ESR1: variants seen among roughly 807,000 people sequenced by gnomAD.
ESR1 encodes estrogen receptor.
In ESR1, 12 loss-of-function variants were observed where a neutral mutation model predicts 52.7. That is an observed-to-expected ratio of 0.23 (90% CI 0.15 to 0.37). The LOEUF is 0.37. Ranked by LOEUF, ESR1 falls within the 10% of genes least tolerant of loss-of-function variation. ESR1 has a pLI of 1.00. For missense variants in ESR1, 584 were observed against 779.7 expected (o/e 0.75, Z 2.99); for synonymous variants, 305 against 316.8 (o/e 0.96, Z 0.39).
rs549775013 is a variant in ESR1, at chr6:151,667,818, C to T, written n.73+11055C>T. On this transcript the variant is annotated intron_variant and non_coding_transcript_variant, in intron 1 of 2. Transcript: ENST00000473497. ...CAGCAAGTTCATTACAAAGGGATTT[C>T]AGATAGAAGCCTCCTCCTTCAGAGT... 4.6e-5 allele frequency among the ~76,000 whole-genome samples: 7 copies of T among 152,314 alleles called. No individual in the cohort carries two copies. The East Asian group carries it at 1.3e-3, about 29-fold the overall frequency.
chr6:151,839,953 TGTTATATATATCTTACCAC>T (rs1784013672), intron 1 of ESR1, among the ~76,000 whole-genome samples: 3 of 152,190 alleles, frequency 2.0e-5, no homozygotes, highest in Admixed American at 6.6e-5. Context: ...GTAAATTTTG[TGTTATATATATCTTACCAC>T]AATTTAAAAA....
chr6:151,775,694 C>G (rs1011182505), intron 2 of ESR1, among the ~76,000 whole-genome samples: 20 of 150,236 alleles, frequency 1.3e-4, no homozygotes, highest in African/African-American at 4.4e-4. Flanking sequence ...TGCAGTGAGC[C>G]GAGATCGCGC....
intron 4 of ESR1, among the ~76,000 whole-genome samples, chr6:151,972,930 C>T (rs1218859524): frequency 6.6e-6 from 1 of 152,160 alleles, no homozygotes; most frequent in Non-Finnish European, 1.5e-5. Context: ...AGGAAGCATC[C>T]AGCATGGGAG....
chr6:152,094,661 A>G lies in ESR1; in HGVS notation c.1553+93A>G, dbSNP rs186542984. 2.6e-6 allele frequency: 3 copies of G among 1,136,916 alleles called. No homozygotes were observed. In the East Asian group the frequency reaches 7.5e-5, roughly 28 times the overall value. The allele number at this position is 1,136,916 out of a possible 1,614,324, so 70.4% of individuals were successfully genotyped here. A position where few individuals can be genotyped will look rare whatever the true frequency, so the allele number is the denominator to read the frequency against. The stretch of plus-strand genomic sequence containing the variant: ...CTGGCCGGGAAGGACTGGTGCCTGC[A>G]TATGGAGAGTGCACTTGTGACAGTT... On this transcript the variant is annotated intron_variant, in intron 7 of 7. Transcript: ENST00000206249. The surrounding 1 kb of genome is among the most constrained non-coding windows in gnomAD (Gnocchi z 4.6).
Position 152,032,871 on chromosome 6 carries a change from T to C in ESR1, c.1235+21077T>C, listed in dbSNP as rs374511138. 3.9e-5 allele frequency among the ~76,000 whole-genome samples: 6 copies of C among 152,280 alleles called. No homozygotes were observed. In the South Asian group the frequency reaches 8.3e-4, roughly 21 times the overall value. ...CAAAAGAACAAAGCTGGAGGCATCA[T>C]GCTACCTGACTTCAAACTATACTAC... On this transcript the variant is annotated intron_variant, in intron 5 of 7. Coordinates refer to ENST00000206249, the MANE Select transcript of ESR1 (RefSeq NM_000125.4).
At chr6:151,955,487 G>T (rs2036802298) in intron 4 of ESR1, among the ~76,000 whole-genome samples, 1 of 152,048 alleles carries the variant, frequency 6.6e-6, no homozygotes, top group Non-Finnish European at 1.5e-5. Context: ...GGATAAAAAT[G>T]ATATTAAATT....
At chr6:152,096,608 T>C (rs2152501018) in intron 7 of ESR1, 1 of 455,734 alleles carries the variant, frequency 2.2e-6, no homozygotes, top group East Asian at 7.0e-5. Flanking sequence ...CCCTGCCCTG[T>C]GAATTCGGCT....
intron 2 of ESR1, among the ~76,000 whole-genome samples, chr6:151,847,449 A>G (rs1056905358): frequency 6.6e-6 from 1 of 150,642 alleles, no homozygotes; most frequent in Non-Finnish European, 1.5e-5. Context: ...GTGTGAGATG[A>G]TATCTCATAG....
intron 2 of ESR1, among the ~76,000 whole-genome samples, chr6:151,781,041 T>G (rs1327129782): frequency 6.6e-6 from 1 of 152,220 alleles, no homozygotes; most frequent in Non-Finnish European, 1.5e-5. Context: ...AACTATACAT[T>G]TCTTCTAAAA....
At chr6:152,122,809 T>C in intron 6 of ESR1, 1 of 1,380,616 alleles carries the variant, frequency 7.2e-7, no homozygotes, top group South Asian at 1.2e-5. Context: ...GCTGCCAGCC[T>C]TCCACAGTGT....
chr6:151,776,539 AGAAGACTGGCCACG>A (rs1232770178), intron 2 of ESR1, among the ~76,000 whole-genome samples: 7 of 152,198 alleles, frequency 4.6e-5, no homozygotes, highest in African/African-American at 1.7e-4. Context: ...CGTTGCATTC[AGAAGACTGGCCACG>A]GAGGCCGGCT....
chr6:152,063,058 T>C (rs1255652179), intron 6 of ESR1, among the ~76,000 whole-genome samples: 1 of 152,134 alleles, frequency 6.6e-6, no homozygotes, highest in African/African-American at 2.4e-5. Flanking sequence ...CACAAGAAAG[T>C]ATTTTATTAA....
intron 5 of ESR1, among the ~76,000 whole-genome samples, chr6:152,051,104 C>T (rs1055389263): frequency 6.6e-6 from 1 of 152,188 alleles, no homozygotes; most frequent in Non-Finnish European, 1.5e-5. Flanking sequence ...CTTCTCCCAC[C>T]CCTTATTTCT....
chr6:151,775,299 C>G (rs941751375), intron 2 of ESR1, among the ~76,000 whole-genome samples: 1 of 152,164 alleles, frequency 6.6e-6, no homozygotes, highest in Non-Finnish European at 1.5e-5. Context: ...TATTTTCATA[C>G]CCGCTCAGTA....
At chr6:151,987,245 CAA>C in intron 4 of ESR1, among the ~76,000 whole-genome samples, 1 of 152,096 alleles carries the variant, frequency 6.6e-6, no homozygotes, top group South Asian at 2.1e-4. Context: ...AGGAATTCAC[CAA>C]AGTCTTTTTT....
At chr6:151,974,730 A>T (rs2039263220) in intron 4 of ESR1, among the ~76,000 whole-genome samples, 1 of 152,234 alleles carries the variant, frequency 6.6e-6, no homozygotes, top group African/African-American at 2.4e-5. Context: ...AATACATCTT[A>T]GTCTTTTTTT....
At chr6:151,833,318 C>A (rs772721816) in intron 1 of ESR1, among the ~76,000 whole-genome samples, 1 of 152,098 alleles carries the variant, frequency 6.6e-6, no homozygotes. Context: ...TCATGGACTT[C>A]AAGAGACCTG....
At chr6:151,675,348 C>T (rs1180175173) in intron 1 of ESR1, among the ~76,000 whole-genome samples, 1 of 152,022 alleles carries the variant, frequency 6.6e-6, no homozygotes, top group Non-Finnish European at 1.5e-5. Flanking sequence ...CTTGCTATTT[C>T]TTTGGGTGTG....
At chr6:152,113,500 C>CCCTACAGA (rs1418931923) in intron 6 of ESR1, among the ~76,000 whole-genome samples, 1 of 152,086 alleles carries the variant, frequency 6.6e-6, no homozygotes, top group African/African-American at 2.4e-5. Flanking sequence ...CAGAGGTCTG[C>CCCTACAGA]CCTACAACAT....
Sources: gnomAD v4.1 joint callset for allele counts (sites outside exome capture counted in the v4.1 genomes callset) on GRCh38, gnomAD v4.1.1 for gene constraint, Gnocchi (gnomAD v3.1) non-coding constraint, MANE v1.5 for transcripts, NCBI Gene and HGNC (gene_info 2026-07-23, HGNC 2026-07-21) for gene names.